CIT: variants seen among roughly 807,000 people sequenced by gnomAD.
The protein encoded by CIT is citron Rho-interacting kinase.
CIT carries 79 observed loss-of-function variants against 272.7 expected under a neutral mutation model. The ratio of observed to expected loss-of-function variants is 0.29; its 90% CI spans 0.24 to 0.35. The LOEUF is 0.35. Ranked by LOEUF, CIT falls within the 10% of genes least tolerant of loss-of-function variation. The pLI is 1.00. For missense variants in CIT, 1,909 were observed against 2,618.3 expected (o/e 0.73, Z 5.91); for synonymous variants, 948 against 995.6 (o/e 0.95, Z 0.90).
rs1360630637 is a variant in CIT at position 119,687,220 on chromosome 12, G to A, written c.*1012C>T. ...AATACATTGGCAGAGCAACCCAAGG[G>A]GGCAGCACATGCAGTGAACTGCCAT... On this transcript the variant is annotated 3_prime_UTR_variant, in exon 48 of 48. Transcript: ENST00000392521. 1 of 152,534 alleles carries A rather than the reference G, an allele frequency of 6.6e-6. No individual in the cohort carries two copies. Among genetic ancestry groups the A allele is most frequent in the Non-Finnish European group, 1.5e-5 (1 of 68,050 alleles). The allele number at this position is 152,534 out of a possible 1,614,324, so 9.4% of individuals were successfully genotyped here.
Position 119,710,213 on chromosome 12 carries a change from G to A in CIT, c.5071+38C>T, listed in dbSNP as rs771115736. ...GTGGCTTCAACATATTGGCTCCCTTGAAAGTAAAGAAAAAACACCATGTCC... is the reference window on the plus strand; with the variant it reads ...GTGGCTTCAACATATTGGCTCCCTTAAAAGTAAAGAAAAAACACCATGTCC... On this transcript the variant is annotated intron_variant, in intron 39 of 47. Transcript: ENST00000392521. This position sits in a 1 kb window ranked among gnomAD's most constrained non-coding sequence, Gnocchi z 5.6. 1 of 1,600,156 alleles carries A rather than the reference G, an allele frequency of 6.2e-7. No homozygotes were observed. The highest frequency in any genetic ancestry group is 8.5e-7 in the Non-Finnish European group (1 of 1,175,026).
chr12:119,737,123 C>G (rs1408662101), intron 24 of CIT, among the ~76,000 whole-genome samples: 1 of 151,990 alleles, frequency 6.6e-6, no homozygotes, highest in East Asian at 1.9e-4. Flanking sequence ...CCGGCTAACA[C>G]GGTGAAACCC....
chr12:119,757,494 C>T lies in CIT; in HGVS notation c.2583G>A (p.Leu861=). The T allele has an allele frequency of 6.2e-7, 1 of 1,614,186 alleles. No individual in the cohort carries two copies. Among genetic ancestry groups the T allele is most frequent in the Non-Finnish European group, 8.5e-7 (1 of 1,180,034 alleles). The change falls in exon 22 of 48, where the codon CTG becomes CTA. Residue 861 remains leucine (L), a synonymous_variant. Coordinates refer to ENST00000392521, the MANE Select transcript of CIT (RefSeq NM_001206999.2). ...ISELRQQKFY[L]ETQAGKLEAQ... ...CCTCCAACTTCCCAGCCTGTGTCTC[C>T]AGGTAAAATTTCTGTTGCCTGAGTT...
Position 119,714,197 on chromosome 12 carries a change from C to G in CIT, c.4306G>C (p.Glu1436Gln). Residue 1436 changes from glutamate to glutamine, a missense_variant and splice_region_variant, in exon 33 of 48, where the codon GAA becomes CAA. Around this residue, in one of 8 missense-constraint regions of CIT, gnomAD observed 780 missense variants for 1,067.2 expected, o/e 0.73. Coordinates refer to ENST00000392521, the MANE Select transcript of CIT (RefSeq NM_001206999.2). ...ACAGATGCACAACTACTGATCTTAC[C>G]GAGACATTTGGATGCCTGGCGTCCA... The part of the protein sequence containing the change: ...HFGRQASKCL[E>Q]CQVMCHPKCS... 6.2e-7 allele frequency: 1 copy of G among 1,614,000 alleles called. No homozygotes were observed. Among genetic ancestry groups the G allele is most frequent in the Non-Finnish European group, 8.5e-7 (1 of 1,179,978 alleles).
chr12:119,712,906 CAAA>C lies in CIT; in HGVS notation c.4580-214_4580-212del, dbSNP rs2137069260. 9 of 578,466 alleles carry C rather than the reference CAAA, an allele frequency of 1.6e-5. No homozygotes were observed. The highest frequency in any genetic ancestry group is 2.8e-5 in the Non-Finnish European group (9 of 326,774). 35.8% of individuals were successfully genotyped at this position (578,466 alleles called of 1,614,324 possible). A position where few individuals can be genotyped will look rare whatever the true frequency, so the allele number is the denominator to read the frequency against. ...AAGTGTGTCAGATGAGTAGCACAGT[CAAA>C]TTTCTGATGACGATGCGGATTTATG... On this transcript the variant is annotated intron_variant, in intron 35 of 47. Coordinates refer to ENST00000392521, the MANE Select transcript of CIT (RefSeq NM_001206999.2). This position sits in a 1 kb window ranked among gnomAD's most constrained non-coding sequence, Gnocchi z 5.2.
intron 22 of CIT, among the ~76,000 whole-genome samples, chr12:119,753,733 C>A (rs1194307821): frequency 2.1e-5 from 3 of 146,006 alleles, no homozygotes; most frequent in Non-Finnish European, 4.5e-5. Context: ...CGAGACTCTG[C>A]CTCAAAAAAA....
chr12:119,784,070 C>A lies in CIT; in HGVS notation c.1402-19G>T, dbSNP rs1353795333. 1.2e-6 allele frequency: 2 copies of A among 1,612,910 alleles called. No individual in the cohort carries two copies. On this transcript the variant is annotated intron_variant, in intron 11 of 47. Coordinates refer to ENST00000392521, the MANE Select transcript of CIT (RefSeq NM_001206999.2). This position sits in a 1 kb window ranked among gnomAD's most constrained non-coding sequence, Gnocchi z 4.7. ...GCTCCATCTGAAATAAACACATCGA[C>A]AGGTTAAAAAGGCCCGTGGAGGTTC...
chr12:119,848,235 T>A (rs1969954064), intron 5 of CIT, among the ~76,000 whole-genome samples: 1 of 152,284 alleles, frequency 6.6e-6, no homozygotes, highest in Admixed American at 6.5e-5. Flanking sequence ...CAAGGAAAAC[T>A]TCTCTCCAGG....
intron 21 of CIT, 66 bp from the exon 22 acceptor site, chr12:119,757,611 GGGA>G: frequency 6.3e-7 from 1 of 1,592,350 alleles, no homozygotes; most frequent in Non-Finnish European, 8.6e-7. Context: ...CCGTTTCCAC[GGGA>G]GGTAGACGGA....
At chr12:119,849,911 C>A (rs1457612513) in intron 5 of CIT, among the ~76,000 whole-genome samples, 4 of 152,162 alleles carry the variant, frequency 2.6e-5, no homozygotes, top group Admixed American at 6.5e-5. Context: ...TGGTCTTGAT[C>A]TCCTGACCTC....
chr12:119,794,219 C>T (rs776098361), intron 10 of CIT, among the ~76,000 whole-genome samples: 1 of 152,154 alleles, frequency 6.6e-6, no homozygotes, highest in Non-Finnish European at 1.5e-5. Flanking sequence ...AAAGACCTTA[C>T]CTGTCTTGCT....
At chr12:119,849,162 C>T (rs553129418) in intron 5 of CIT, among the ~76,000 whole-genome samples, 1 of 152,352 alleles carries the variant, frequency 6.6e-6, no homozygotes, top group Non-Finnish European at 1.5e-5. Context: ...CACAGTGGCT[C>T]ACTCCTGTAA....
At chr12:119,796,699 A>C (rs956999603) in intron 10 of CIT, among the ~76,000 whole-genome samples, 1 of 152,178 alleles carries the variant, frequency 6.6e-6, no homozygotes, top group Non-Finnish European at 1.5e-5. Flanking sequence ...CAAGGAACTG[A>C]ATGAGATCAC....
chr12:119,875,578 T>C (rs1232827943), intron 2 of CIT, among the ~76,000 whole-genome samples: 1 of 151,970 alleles, frequency 6.6e-6, no homozygotes, highest in African/African-American at 2.4e-5. Flanking sequence ...ACCCCATCCC[T>C]ACAAAAAATT....
intron 8 of CIT, among the ~76,000 whole-genome samples, chr12:119,823,955 G>A (rs548058228): frequency 2.9e-5 from 4 of 138,266 alleles, no homozygotes; most frequent in Admixed American, 2.5e-4. Context: ...CAGGAAAATC[G>A]CTTGAACCCA....
chr12:119,758,491 CA>C lies in CIT; in HGVS notation c.2531+99del, dbSNP rs35168868. The stretch of plus-strand genomic sequence containing the variant: ...GCTGGGCTGAGCTACAGAAGTCATT[CA>C]ATCCACTCCAGCTCCATCAAACAGA... On this transcript the variant is annotated intron_variant, in intron 21 of 47. Transcript: ENST00000392521. 382,298 of 784,694 alleles carry C rather than the reference CA, an allele frequency of 0.49. 95,406 individuals carry two copies. The highest frequency in any genetic ancestry group is 0.58 in the Admixed American group (32,443 of 55,594). The allele number at this position is 784,694 out of a possible 1,614,324, so 48.6% of individuals were successfully genotyped here. A position where few individuals can be genotyped will look rare whatever the true frequency, so the allele number is the denominator to read the frequency against.
chr12:119,710,658 C>T lies in CIT; in HGVS notation c.4855-38G>A, dbSNP rs751746356. ...GAAAGAAAAGAAAAACAGAAGACATCGTGAGGCTGATCTGTTTATGACCAA... is the reference window on the plus strand; with the variant it reads ...GAAAGAAAAGAAAAACAGAAGACATTGTGAGGCTGATCTGTTTATGACCAA... On this transcript the variant is annotated intron_variant, in intron 37 of 47. Transcript: ENST00000392521. This position sits in a 1 kb window ranked among gnomAD's most constrained non-coding sequence, Gnocchi z 5.6. 7 of 1,573,902 alleles carry T rather than the reference C, an allele frequency of 4.4e-6. No individual in the cohort carries two copies. Among genetic ancestry groups the T allele is most frequent in the Non-Finnish European group, 6.1e-6 (7 of 1,143,470 alleles).
chr12:119,736,680 C>G (rs908660865), intron 24 of CIT, among the ~76,000 whole-genome samples: 5 of 152,206 alleles, frequency 3.3e-5, no homozygotes, highest in African/African-American at 4.8e-5. Context: ...AAAATCTGTA[C>G]GTTTGCCATT....
Position 119,769,186 on chromosome 12 carries a change from C to A in CIT, c.2208+1599G>T, listed in dbSNP as rs192111442. Reference sequence around the variant, plus strand: ...TATCTGAGACTGACAACTTTAAGACCAAATTTCTGGTCTATTTGTGAATGG... The same window carrying A: ...TATCTGAGACTGACAACTTTAAGACAAAATTTCTGGTCTATTTGTGAATGG... On this transcript the variant is annotated intron_variant, in intron 18 of 47. Coordinates refer to ENST00000392521, the MANE Select transcript of CIT (RefSeq NM_001206999.2). Among the ~76,000 whole-genome samples, 267 of 151,052 alleles carry A rather than the reference C, an allele frequency of 1.8e-3. 1 individual carries two copies. The highest frequency in any genetic ancestry group is 6.1e-3 in the African/African-American group (249 of 41,094).
Sources: allele counts gnomAD v4.1 joint callset (sites outside exome capture counted in the v4.1 genomes callset), GRCh38; gene constraint gnomAD v4.1.1; regional missense constraint gnomAD v4.1.1; non-coding constraint Gnocchi (gnomAD v3.1); transcripts MANE v1.5; gene names NCBI Gene and HGNC (gene_info 2026-07-23, HGNC 2026-07-21).